The following GMDS variants were observed in gnomAD, a reference collection of about 807,000 sequenced individuals.
GMDS encodes GDP-mannose 4,6-dehydratase.
A neutral mutation model predicts 49.9 loss-of-function variants in GMDS; 20 were observed. The observed-to-expected ratio is 0.40, with a 90% confidence interval of 0.28 to 0.58. The LOEUF is 0.58. GMDS is among the 20% of genes least tolerant of loss of function. The pLI, the probability that GMDS is intolerant of heterozygous loss-of-function variation, is 0.42. For missense variants in GMDS, 362 were observed against 481.4 expected (o/e 0.75, Z 2.32); for synonymous variants, 177 against 178.6 (o/e 0.99, Z 0.07).
chr6:2,137,221 A>G (rs1027818246), intron 1 of GMDS, among the ~76,000 whole-genome samples: 2 of 152,154 alleles, frequency 1.3e-5, no homozygotes, highest in Admixed American at 6.5e-5. Flanking sequence ...GAATTCTAAT[A>G]TCTGCCTAGC....
intron 1 of GMDS, among the ~76,000 whole-genome samples, chr6:2,154,904 T>A (rs1777033791): frequency 6.8e-6 from 1 of 146,510 alleles, no homozygotes. Flanking sequence ...ACCAATCTAT[T>A]CCAAGAATAA....
intron 4 of GMDS, among the ~76,000 whole-genome samples, chr6:2,048,360 ACACAAAGTCCTTAATACTCTGT>A (rs1238220326): frequency 2.0e-5 from 3 of 152,228 alleles, no homozygotes; most frequent in African/African-American, 7.2e-5. Flanking sequence ...CCAAGGCACT[ACACAAAGTCCTTAATACTCTGT>A]TCCACTGGTC....
intron 9 of GMDS, among the ~76,000 whole-genome samples, chr6:1,643,649 G>A (rs927275788): frequency 6.6e-6 from 1 of 152,008 alleles, no homozygotes; most frequent in African/African-American, 2.4e-5. Context: ...CCTGGGCCAC[G>A]GTGGGGGGGA....
At chr6:1,964,389 G>A (rs953793857) in intron 4 of GMDS, among the ~76,000 whole-genome samples, 8 of 152,142 alleles carry the variant, frequency 5.3e-5, no homozygotes, top group African/African-American at 1.7e-4. Context: ...CTCAGTACCA[G>A]ACACATGCAT....
chr6:2,145,968 A>AC (rs1776538156), intron 1 of GMDS, among the ~76,000 whole-genome samples: 1 of 152,240 alleles, frequency 6.6e-6, no homozygotes, highest in Non-Finnish European at 1.5e-5. Flanking sequence ...GCTCATGCAT[A>AC]CTGAGAGACA....
intron 7 of GMDS, among the ~76,000 whole-genome samples, chr6:1,896,183 T>C (rs935757626): frequency 1.3e-5 from 2 of 152,170 alleles, no homozygotes; most frequent in African/African-American, 4.8e-5. Flanking sequence ...CCATTCATTG[T>C]TGCCCTGTGT....
At chr6:1,691,107 C>T (rs1243662113) in intron 9 of GMDS, among the ~76,000 whole-genome samples, 1 of 152,114 alleles carries the variant, frequency 6.6e-6, no homozygotes, top group African/African-American at 2.4e-5. Flanking sequence ...ATGGACTCAA[C>T]CCAAATGCTA....
At chr6:1,758,603 C>T (rs1293955151) in intron 7 of GMDS, among the ~76,000 whole-genome samples, 5 of 152,322 alleles carry the variant, frequency 3.3e-5, no homozygotes, top group African/African-American at 1.2e-4. Context: ...CTGCTGGCCC[C>T]CTTGAGGCCT....
At chr6:2,100,201 T>G in intron 4 of GMDS, among the ~76,000 whole-genome samples, 1 of 152,070 alleles carries the variant, frequency 6.6e-6, no homozygotes, top group African/African-American at 2.4e-5. Context: ...GGTTTTATAT[T>G]TCAATATACC....
Position 1,905,844 on chromosome 6 carries a change from G to C in GMDS, c.771+24259C>G, listed in dbSNP as rs564620858. ...CTCAAAGGTACCTGTGCATCTGCAT[G>C]TGGGGCCAGCACATAGCTGTGGGTG... On this transcript the variant is annotated intron_variant, in intron 7 of 10. Coordinates refer to ENST00000380815, the MANE Select transcript of GMDS (RefSeq NM_001500.4). Among the ~76,000 whole-genome samples, 18 of 82,418 alleles carry C rather than the reference G, an allele frequency of 2.2e-4. No homozygotes were observed. The South Asian group carries it at 6.8e-3, about 31-fold the overall frequency. 54.1% of individuals were successfully genotyped at this position (82,418 alleles called of 152,430 possible).
intron 7 of GMDS, among the ~76,000 whole-genome samples, chr6:1,817,698 C>G (rs1260936260): frequency 2.6e-5 from 4 of 152,136 alleles, no homozygotes; most frequent in African/African-American, 4.8e-5. Flanking sequence ...AGGGCAATAG[C>G]TCCAGATGAA....
rs539911327 is a variant in GMDS, at chr6:1,799,362, A to C, written c.772-56776T>G. Among the ~76,000 whole-genome samples, 28 of 152,346 alleles carry C rather than the reference A, an allele frequency of 1.8e-4. No individual in the cohort carries two copies. In the South Asian group the frequency reaches 2.5e-3, roughly 14 times the overall value. ...TGCTGGAGTGGATGGCATATATCTA[A>C]GAAAGCTCAAGCCTTGGCAACACGG... is the stretch of plus-strand genomic sequence containing the variant. On this transcript the variant is annotated intron_variant, in intron 7 of 10. Coordinates refer to ENST00000380815, the MANE Select transcript of GMDS (RefSeq NM_001500.4).
Position 2,229,897 on chromosome 6 carries a change from C to T in GMDS, c.102+15424G>A, listed in dbSNP as rs184124450. Among the ~76,000 whole-genome samples, 13 of 152,318 alleles carry T rather than the reference C, an allele frequency of 8.5e-5. 1 individual carries two copies. In the East Asian group the frequency reaches 1.2e-3, roughly 14 times the overall value. Reference sequence around the variant, plus strand: ...AGCATGAGACTCTACCTGTAAACCTCGAAGGCTTATTCCTGCCTAGAGCCC... The same window carrying T: ...AGCATGAGACTCTACCTGTAAACCTTGAAGGCTTATTCCTGCCTAGAGCCC... On this transcript the variant is annotated intron_variant, in intron 1 of 10. Transcript: ENST00000380815.
intron 7 of GMDS, among the ~76,000 whole-genome samples, chr6:1,909,055 A>G (rs1760918061): frequency 6.6e-6 from 1 of 152,212 alleles, no homozygotes; most frequent in Admixed American, 6.5e-5. Context: ...AAAACGCAGG[A>G]TATTAGTCAC....
At chr6:2,176,483 G>T (rs1238377973) in intron 1 of GMDS, among the ~76,000 whole-genome samples, 2 of 152,094 alleles carry the variant, frequency 1.3e-5, no homozygotes, top group African/African-American at 4.8e-5. Context: ...CCAGTGTCTG[G>T]TAAACCAACT....
At chr6:1,686,232 A>T (rs537722296) in intron 9 of GMDS, among the ~76,000 whole-genome samples, 1 of 152,286 alleles carries the variant, frequency 6.6e-6, no homozygotes, top group African/African-American at 2.4e-5. Flanking sequence ...TCTTTCCCGC[A>T]CAACAGTGTA....
intron 9 of GMDS, among the ~76,000 whole-genome samples, chr6:1,632,743 G>A (rs1029245700): frequency 5.9e-5 from 9 of 152,088 alleles, no homozygotes; most frequent in Admixed American, 4.6e-4. Context: ...GCTGGGTGTG[G>A]TGGCACTTGC....
intron 1 of GMDS, among the ~76,000 whole-genome samples, chr6:2,244,687 C>T (rs891220778): frequency 3.9e-5 from 6 of 152,184 alleles, no homozygotes; most frequent in African/African-American, 1.4e-4. Flanking sequence ...GACCAGTGTG[C>T]CTCGGATACA....
intron 7 of GMDS, among the ~76,000 whole-genome samples, chr6:1,815,699 A>T (rs1770633108): frequency 6.6e-6 from 1 of 152,262 alleles, no homozygotes; most frequent in Non-Finnish European, 1.5e-5. Context: ...CTCACAAGGC[A>T]AAAGATGAGA....
Sources: gnomAD v4.1 joint callset for allele counts (sites outside exome capture counted in the v4.1 genomes callset) on GRCh38, gnomAD v4.1.1 for gene constraint, MANE v1.5 for transcripts, NCBI Gene and HGNC (gene_info 2026-07-23, HGNC 2026-07-21) for gene names.